The following GABRA2 variants were observed in gnomAD, a reference collection of about 807,000 sequenced individuals.
GABRA2 encodes gamma-aminobutyric acid type A receptor subunit alpha2, also known as gamma-aminobutyric acid receptor subunit alpha-2.
Under a neutral mutation model 48.7 loss-of-function variants are expected in GABRA2, and 16 were observed. The ratio of observed to expected loss-of-function variants is 0.33; its 90% CI spans 0.22 to 0.50. GABRA2 has a LOEUF of 0.50. GABRA2 is among the 20% of genes least tolerant of loss of function. The pLI is 0.98. For synonymous variants in GABRA2, 185 were observed against 184.5 expected, an observed-to-expected ratio of 1.00 and a Z score of -0.02; for missense variants, 275 against 535.6, an observed-to-expected ratio of 0.51 and a Z score of 4.80.
At chr4:46,387,457 G>A (rs185212186) in intron 2 of GABRA2, among the ~76,000 whole-genome samples, 14 of 152,196 alleles carry the variant, frequency 9.2e-5, no homozygotes, top group Non-Finnish European at 1.8e-4. Flanking sequence ...TAAGAGCAGA[G>A]AAAATATTAA....
chr4:46,357,658 T>TTTTC (rs1298998109), intron 3 of GABRA2, among the ~76,000 whole-genome samples: 2 of 150,400 alleles, frequency 1.3e-5, no homozygotes. Flanking sequence ...TTATTTTTTA[T>TTTTC]TTTCTTTCTT....
Position 46,328,129 on chromosome 4 carries a change from T to A in GABRA2, c.255+4486A>T, listed in dbSNP as rs116968626. On this transcript the variant is annotated intron_variant, in intron 4 of 9. Coordinates refer to ENST00000381620, the MANE Select transcript of GABRA2 (RefSeq NM_000807.4). The stretch of plus-strand genomic sequence containing the variant: ...TGGTCAATTGTGAGCTACTAATACA[T>A]TTCAAAAATTAATTACCTCCTTATG... 4.7e-4 allele frequency among the ~76,000 whole-genome samples: 72 copies of A among 152,126 alleles called. 2 individuals are homozygous for A. In the East Asian group the frequency reaches 0.013, roughly 27 times the overall value.
intron 8 of GABRA2, among the ~76,000 whole-genome samples, chr4:46,286,271 A>G (rs981756374): frequency 2.0e-5 from 3 of 152,100 alleles, no homozygotes; most frequent in Non-Finnish European, 4.4e-5. Flanking sequence ...AGGTTGTAGC[A>G]TATATCAGCA....
At chr4:46,357,849 C>T (rs1249838576) in intron 3 of GABRA2, among the ~76,000 whole-genome samples, 1 of 151,660 alleles carries the variant, frequency 6.6e-6, no homozygotes, top group Non-Finnish European at 1.5e-5. Flanking sequence ...TTAGTAGAGA[C>T]AGAGTTTCAC....
chr4:46,330,587 TATATAGAG>T (rs1336926613), intron 4 of GABRA2, among the ~76,000 whole-genome samples: 10 of 123,522 alleles, frequency 8.1e-5, no homozygotes, highest in South Asian at 2.6e-4. Context: ...TATATATATA[TATATAGAG>T]AGAGAGAGAG....
intron 8 of GABRA2, among the ~76,000 whole-genome samples, chr4:46,278,045 T>C (rs1400275872): frequency 6.6e-6 from 1 of 152,130 alleles, no homozygotes; most frequent in Non-Finnish European, 1.5e-5. Context: ...ATATAAAAAA[T>C]GTAAGAAGTA....
chr4:46,373,448 AG>A (rs1715239390), intron 3 of GABRA2, among the ~76,000 whole-genome samples: 1 of 152,342 alleles, frequency 6.6e-6, no homozygotes, highest in Admixed American at 6.5e-5. Flanking sequence ...TCAAGAGTTC[AG>A]ATAACTGTTA....
intron 3 of GABRA2, among the ~76,000 whole-genome samples, chr4:46,374,517 C>G (rs1048486750): frequency 6.6e-6 from 1 of 151,858 alleles, no homozygotes; most frequent in Non-Finnish European, 1.5e-5. Context: ...ATTTTTATAC[C>G]TTCTTCAACT....
intron 3 of GABRA2, among the ~76,000 whole-genome samples, chr4:46,354,686 A>C (rs1184273383): frequency 6.6e-6 from 1 of 152,088 alleles, no homozygotes; most frequent in Non-Finnish European, 1.5e-5. Context: ...AAAAACCTTT[A>C]AGCGGCTTGT....
rs1451233555 is a variant in GABRA2 at position 46,378,018 on chromosome 4, C to T, written c.187+8056G>A. On this transcript the variant is annotated intron_variant, in intron 3 of 9. Transcript: ENST00000381620. ...CAGCCCCCCGCCCGGCCAGCCGCCC[C>T]GTCCGGGAGGGAGGTGGGGGGTTCA... 4.8e-5 allele frequency among the ~76,000 whole-genome samples: 7 copies of T among 147,312 alleles called. No individual in the cohort carries two copies. In the East Asian group the frequency reaches 1.0e-3, roughly 22 times the overall value.
intron 2 of GABRA2, 152 bp from the exon 3 acceptor site, chr4:46,386,341 T>C (rs1158704873): frequency 1.8e-6 from 1 of 566,150 alleles, no homozygotes; most frequent in Admixed American, 3.7e-5. Context: ...TAAATATCGG[T>C]TTGTCTTCAA....
chr4:46,336,940 T>A (rs1265260906), intron 3 of GABRA2, among the ~76,000 whole-genome samples: 1 of 152,134 alleles, frequency 6.6e-6, no homozygotes, highest in Non-Finnish European at 1.5e-5. Context: ...CAAGAAGTAT[T>A]TAATTAATGA....
Position 46,245,057 on chromosome 4 carries a change from T to C in GABRA2, c.*5251A>G, listed in dbSNP as rs1713462594. Among the ~76,000 whole-genome samples, 1 of 151,494 alleles carries C rather than the reference T, an allele frequency of 6.6e-6. No individual in the cohort carries two copies. The highest frequency in any genetic ancestry group is 1.5e-5 in the Non-Finnish European group (1 of 67,536). On this transcript the variant is annotated 3_prime_UTR_variant, in exon 10 of 10. Coordinates refer to ENST00000381620, the MANE Select transcript of GABRA2 (RefSeq NM_000807.4). ...TGTTTTTTTGTTTGTTTGTTTCGTT[T>C]ACCTTTCCTATAATATATGTAAACT...
chr4:46,342,396 A>G (rs536775529), intron 3 of GABRA2, among the ~76,000 whole-genome samples: 1 of 151,966 alleles, frequency 6.6e-6, no homozygotes, highest in Admixed American at 6.6e-5. Flanking sequence ...GATTGTGCCA[A>G]TTCTCTTCAC....
Position 46,305,605 on chromosome 4 carries a change from G to A in GABRA2, c.666C>T (p.Gly222=). 6.2e-7 allele frequency: 1 copy of A among 1,613,762 alleles called. No homozygotes were observed. ...TAATTGTCTCCTTTCCGATTGATTG[G>A]CCCAGCAGGTCATATTGATTTAACC... The part of the protein sequence containing the change: ...GSRLNQYDLL[G]QSIGKETIKS... Residue 222 remains glycine (G), a synonymous_variant, in exon 7 of 10, where the codon GGC becomes GGT. Transcript: ENST00000381620.
chr4:46,288,074 A>C (rs1286148768), intron 8 of GABRA2, among the ~76,000 whole-genome samples: 1 of 152,112 alleles, frequency 6.6e-6, no homozygotes, highest in East Asian at 1.9e-4. Flanking sequence ...AGAATGAGAA[A>C]CATCCACCCC....
chr4:46,265,406 GTA>G (rs1305509934), intron 8 of GABRA2, among the ~76,000 whole-genome samples: 4 of 135,354 alleles, frequency 3.0e-5, no homozygotes, highest in Admixed American at 2.2e-4. Flanking sequence ...AATATATTGT[GTA>G]TATATATAAT....
rs1726118612 is a variant in GABRA2, at chr4:46,303,521, G to A, written c.795C>T (p.Val265=). 1.9e-6 allele frequency: 3 copies of A among 1,614,084 alleles called. No homozygotes were observed. Among genetic ancestry groups the A allele is most frequent in the Non-Finnish European group, 2.5e-6 (3 of 1,179,964 alleles). The stretch of plus-strand genomic sequence containing the variant: ...GCCAGAATGAAACTTGGGAGAGAAT[G>A]ACAGTCATGATGCAAGGCAGATAGG... ...IQTYLPCIMT[V]ILSQVSFWLN... is the part of the protein sequence containing the mutation. Residue 265 remains valine (V), a synonymous_variant, in exon 8 of 10, where the codon GTC becomes GTT. Transcript: ENST00000381620.
Position 46,256,255 on chromosome 4 carries a change from T to C in GABRA2, c.1060-5651A>G, listed in dbSNP as rs1715803847. ...TCTCTAAGTACTCTAAAGTCTTTTC[T>C]TGGAATAAACTGGGCCATGAGAAAG... On this transcript the variant is annotated intron_variant, in intron 9 of 9. Transcript: ENST00000381620. 4 of 695,954 alleles carry C rather than the reference T, an allele frequency of 5.7e-6. No individual in the cohort carries two copies. Among genetic ancestry groups the C allele is most frequent in the Non-Finnish European group, 1.0e-5 (4 of 381,120 alleles). The allele number at this position is 695,954 out of a possible 1,614,324, so 43.1% of individuals were successfully genotyped here. A position where few individuals can be genotyped will look rare whatever the true frequency, so the allele number is the denominator to read the frequency against.
Sources: allele counts gnomAD v4.1 joint callset (sites outside exome capture counted in the v4.1 genomes callset), GRCh38; gene constraint gnomAD v4.1.1; transcripts MANE v1.5; gene names NCBI Gene and HGNC (gene_info 2026-07-23, HGNC 2026-07-21).